The following ANKS1B variants were observed in gnomAD, a reference collection of about 807,000 sequenced individuals.
ANKS1B encodes the protein ankyrin repeat and sterile alpha motif domain-containing protein 1B.
Under a neutral mutation model 148.3 loss-of-function variants are expected in ANKS1B, and 36 were observed. That is an observed-to-expected ratio of 0.24 (90% confidence interval 0.19 to 0.32). The LOEUF (loss-of-function observed/expected upper bound fraction) is 0.32. Ranked by LOEUF, ANKS1B falls within the 10% of genes least tolerant of loss-of-function variation. The probability of loss-of-function intolerance (pLI) is 1.00; values close to 1 mark genes in which losing one functional copy is unlikely to be tolerated. For missense variants in ANKS1B, 1,157 were observed against 1,542.6 expected (o/e 0.75, Z 4.19); for synonymous variants, 542 against 560.8 (o/e 0.97, Z 0.47).
intron 4 of ANKS1B, among the ~76,000 whole-genome samples, chr12:99,788,138 C>T (rs565608718): frequency 7.2e-5 from 11 of 152,302 alleles, no homozygotes; most frequent in South Asian, 2.1e-4. Flanking sequence ...AGGGAGACAG[C>T]GGCAGATATG....
intron 10 of ANKS1B, among the ~76,000 whole-genome samples, chr12:99,501,699 A>G (rs1488553240): frequency 6.6e-6 from 1 of 152,068 alleles, no homozygotes; most frequent in South Asian, 2.1e-4. Flanking sequence ...GGCTGTGTAG[A>G]TATTTGTTTT....
At chr12:98,898,228 A>C (rs2099767505) in intron 17 of ANKS1B, among the ~76,000 whole-genome samples, 1 of 152,246 alleles carries the variant, frequency 6.6e-6, no homozygotes, top group South Asian at 2.1e-4. Flanking sequence ...TTAATTTTGC[A>C]AAATAAGTAA....
intron 7 of ANKS1B, among the ~76,000 whole-genome samples, chr12:99,775,088 C>G (rs1046454084): frequency 6.6e-6 from 1 of 151,984 alleles, no homozygotes; most frequent in Non-Finnish European, 1.5e-5. Flanking sequence ...AGCATGGTGA[C>G]TATAGTTAAT....
At chr12:99,133,183 C>T (rs1361910441) in intron 15 of ANKS1B, among the ~76,000 whole-genome samples, 1 of 151,808 alleles carries the variant, frequency 6.6e-6, no homozygotes, top group African/African-American at 2.4e-5. Context: ...TCCCAAGTAG[C>T]TGGGATTACA....
intron 1 of ANKS1B, among the ~76,000 whole-genome samples, chr12:99,909,446 T>A (rs1190709509): frequency 6.6e-6 from 1 of 152,178 alleles, no homozygotes; most frequent in Non-Finnish European, 1.5e-5. Flanking sequence ...ATTGTAGTCT[T>A]ATTTTTAATT....
chr12:98,860,714 G>GC (rs1335517147), intron 17 of ANKS1B, among the ~76,000 whole-genome samples: 1 of 152,112 alleles, frequency 6.6e-6, no homozygotes, highest in Non-Finnish European at 1.5e-5. Flanking sequence ...ACACACTGGG[G>GC]CCTGTCAGGG....
At chr12:98,839,244 C>A (rs2099392275) in intron 17 of ANKS1B, among the ~76,000 whole-genome samples, 2 of 152,206 alleles carry the variant, frequency 1.3e-5, no homozygotes, top group Non-Finnish European at 2.9e-5. Context: ...CATATAACCA[C>A]CATGTTATGC....
chr12:99,089,232 C>A (rs988238157), intron 15 of ANKS1B, among the ~76,000 whole-genome samples: 1 of 151,646 alleles, frequency 6.6e-6, no homozygotes, highest in Admixed American at 6.6e-5. Flanking sequence ...TCATGTCCAT[C>A]TTCTGTTTAG....
At chr12:99,438,674 T>C (rs1391124997) in intron 11 of ANKS1B, among the ~76,000 whole-genome samples, 2 of 151,864 alleles carry the variant, frequency 1.3e-5, no homozygotes, top group Non-Finnish European at 2.9e-5. Flanking sequence ...TATAGCCAAG[T>C]GTTACTTATA....
At chr12:99,396,455 C>A (rs1391413907) in intron 12 of ANKS1B, among the ~76,000 whole-genome samples, 1 of 152,112 alleles carries the variant, frequency 6.6e-6, no homozygotes, top group East Asian at 1.9e-4. Flanking sequence ...ATCAGTCTAT[C>A]CTAAAATTGT....
chr12:99,667,353 A>AAAAGAAAAGAAAAG (rs374474811), intron 8 of ANKS1B, among the ~76,000 whole-genome samples: 6 of 148,184 alleles, frequency 4.0e-5, no homozygotes, highest in African/African-American at 1.3e-4. Context: ...TGTCTCAAAA[A>AAAAGAAAAGAAAAG]AAAAGAAAAG....
At chr12:99,843,571 T>C (rs1400685038) in intron 1 of ANKS1B, among the ~76,000 whole-genome samples, 2 of 152,172 alleles carry the variant, frequency 1.3e-5, no homozygotes, top group Non-Finnish European at 2.9e-5. Context: ...TCCATGTCCC[T>C]GCAAAGGACA....
chr12:99,968,240 T>G lies in ANKS1B; in HGVS notation c.134+15864A>C, dbSNP rs557157587. On this transcript the variant is annotated intron_variant, in intron 1 of 26. Coordinates refer to ENST00000683438, the MANE Select transcript of ANKS1B (RefSeq NM_001352186.2). ...TTAAAAACGACAGGCTTAGATTTATTGGCCTGAAAGAGATGGATCATAAAT... is the reference window on the plus strand; with the variant it reads ...TTAAAAACGACAGGCTTAGATTTATGGGCCTGAAAGAGATGGATCATAAAT... Among the ~76,000 whole-genome samples the G allele has an allele frequency of 1.2e-4, 19 of 152,286 alleles. No homozygotes were observed. The East Asian group carries it at 3.7e-3, about 29-fold the overall frequency.
intron 11 of ANKS1B, among the ~76,000 whole-genome samples, chr12:99,429,158 C>G (rs1233506517): frequency 6.6e-6 from 1 of 152,114 alleles, no homozygotes; most frequent in Non-Finnish European, 1.5e-5. Context: ...AACAAACAAA[C>G]AAACAAACAA....
intron 8 of ANKS1B, among the ~76,000 whole-genome samples, chr12:99,725,333 C>G (rs972633675): frequency 1.3e-5 from 2 of 151,858 alleles, no homozygotes; most frequent in African/African-American, 4.8e-5. Context: ...AAATGAAAAG[C>G]AAAAAGAAAG....
At chr12:98,936,286 G>C (rs970417384) in intron 17 of ANKS1B, among the ~76,000 whole-genome samples, 1 of 152,148 alleles carries the variant, frequency 6.6e-6, no homozygotes, top group African/African-American at 2.4e-5. Flanking sequence ...CAGGTCCCCT[G>C]ACTCCAAAGC....
chr12:99,667,550 T>A (rs1418703879), intron 8 of ANKS1B, among the ~76,000 whole-genome samples: 2 of 152,178 alleles, frequency 1.3e-5, no homozygotes, highest in African/African-American at 4.8e-5. Context: ...AGTTTTACTT[T>A]TCTCTTTAAA....
intron 17 of ANKS1B, among the ~76,000 whole-genome samples, chr12:98,988,272 C>G (rs928783530): frequency 6.6e-6 from 1 of 152,160 alleles, no homozygotes; most frequent in African/African-American, 2.4e-5. Context: ...CTTGCAATCA[C>G]CTTATCCCCT....
At chr12:98,987,350 A>G (rs957677776) in intron 17 of ANKS1B, among the ~76,000 whole-genome samples, 3 of 152,150 alleles carry the variant, frequency 2.0e-5, no homozygotes, top group Admixed American at 6.6e-5. Context: ...TCAGGAACAT[A>G]TATTTCTAAA....
Sources: gnomAD v4.1 joint callset for allele counts (sites outside exome capture counted in the v4.1 genomes callset) on GRCh38, gnomAD v4.1.1 for gene constraint, MANE v1.5 for transcripts, NCBI Gene and HGNC (gene_info 2026-07-23, HGNC 2026-07-21) for gene names.